CSMD1: variants seen among roughly 807,000 people sequenced by gnomAD.
CSMD1 encodes the protein CUB and sushi domain-containing protein 1.
In CSMD1, 213 loss-of-function variants were observed where a neutral mutation model predicts 417.5. The observed-to-expected ratio is 0.51, with a 90% confidence interval of 0.46 to 0.57. The LOEUF (loss-of-function observed/expected upper bound fraction) is 0.57. Ranked by LOEUF, CSMD1 falls within the 20% of genes least tolerant of loss-of-function variation. The probability of loss-of-function intolerance (pLI) is 0.00; values close to 1 mark genes in which losing one functional copy is unlikely to be tolerated. For missense variants in CSMD1, 6,923 were observed against 4,529.7 expected (o/e 1.53, Z -15.17); for synonymous variants, 2,862 against 1,736.8 (o/e 1.65, Z -16.11).
intron 5 of CSMD1, among the ~76,000 whole-genome samples, chr8:3,849,511 T>G (rs755446391): frequency 1.3e-5 from 2 of 152,142 alleles, no homozygotes; most frequent in South Asian, 2.1e-4. Flanking sequence ...AGTAAATGAG[T>G]AGCTCGACGG....
At chr8:4,153,747 T>C (rs1026634011) in intron 3 of CSMD1, among the ~76,000 whole-genome samples, 3 of 152,232 alleles carry the variant, frequency 2.0e-5, no homozygotes, top group Admixed American at 6.5e-5. Context: ...GGTTTCAGTG[T>C]GGTGACCCTG....
At chr8:4,064,342 C>G (rs922135339) in intron 3 of CSMD1, among the ~76,000 whole-genome samples, 1 of 152,204 alleles carries the variant, frequency 6.6e-6, no homozygotes, top group African/African-American at 2.4e-5. Context: ...CACCTGCTCT[C>G]TTTCACAAAT....
intron 1 of CSMD1, among the ~76,000 whole-genome samples, chr8:4,748,754 T>G (rs1811115350): frequency 6.6e-6 from 1 of 152,240 alleles, no homozygotes; most frequent in Non-Finnish European, 1.5e-5. Context: ...TTTTACAGAC[T>G]TAATTACTGG....
At chr8:3,471,931 G>C (rs913745002) in intron 11 of CSMD1, among the ~76,000 whole-genome samples, 3 of 152,114 alleles carry the variant, frequency 2.0e-5, no homozygotes, top group Non-Finnish European at 4.4e-5. Flanking sequence ...TGCAAAACGA[G>C]TCGAGGAGAG....
chr8:3,002,849 T>G (rs1478932618), intron 52 of CSMD1, among the ~76,000 whole-genome samples: 1 of 152,206 alleles, frequency 6.6e-6, no homozygotes, highest in African/African-American at 2.4e-5. Flanking sequence ...TGACACATGG[T>G]CATTTCGGTT....
At position 4,637,517 on chromosome 8, in the gene CSMD1, T is replaced by G; in HGVS notation, c.127A>C (p.Ile43Leu). 6.2e-7 allele frequency: 1 copy of G among 1,613,868 alleles called. No individual in the cohort carries two copies. Among genetic ancestry groups the G allele is most frequent in the Admixed American group, 1.7e-5 (1 of 60,010 alleles). Residue 43 changes from isoleucine to leucine, a missense_variant, in exon 2 of 70, where the codon ATT (isoleucine) becomes CTT (leucine). Transcript: ENST00000635120. Reference protein sequence around the residue: ...GGLVQGPNGTIESPGFPHGYP... With the variant: ...GGLVQGPNGTLESPGFPHGYP... ...CCGTGAGGAAACCCTGGGCTCTCAATAGTGCCATTGGGACCCTGGACTAAG... is the reference window on the plus strand; with the variant it reads ...CCGTGAGGAAACCCTGGGCTCTCAAGAGTGCCATTGGGACCCTGGACTAAG...
At chr8:4,102,189 C>T (rs1801339856) in intron 3 of CSMD1, among the ~76,000 whole-genome samples, 1 of 152,114 alleles carries the variant, frequency 6.6e-6, no homozygotes, top group Non-Finnish European at 1.5e-5. Context: ...GTGTTAAATG[C>T]TTTATTGTCT....
intron 3 of CSMD1, among the ~76,000 whole-genome samples, chr8:4,380,703 G>T (rs922781502): frequency 6.6e-6 from 1 of 152,158 alleles, no homozygotes; most frequent in South Asian, 2.1e-4. Context: ...TAATAACAGA[G>T]GATTGTGGAT....
chr8:4,036,107 G>A (rs945829289), intron 3 of CSMD1, among the ~76,000 whole-genome samples: 3 of 152,160 alleles, frequency 2.0e-5, no homozygotes, highest in Non-Finnish European at 2.9e-5. Context: ...TGCACTCTAG[G>A]AGTACTAGGC....
At chr8:3,436,992 A>C (rs561253366) in intron 12 of CSMD1, among the ~76,000 whole-genome samples, 2 of 152,350 alleles carry the variant, frequency 1.3e-5, no homozygotes, top group East Asian at 1.9e-4. Flanking sequence ...ACAGGGACTT[A>C]AACAAGACAG....
chr8:3,148,151 A>C (rs1428186374), intron 40 of CSMD1, among the ~76,000 whole-genome samples: 1 of 152,206 alleles, frequency 6.6e-6, no homozygotes, highest in Non-Finnish European at 1.5e-5. Context: ...AATAGGAAGC[A>C]ACATGAGAGA....
intron 7 of CSMD1, among the ~76,000 whole-genome samples, chr8:3,628,883 T>G (rs1052445384): frequency 2.1e-5 from 3 of 145,478 alleles, no homozygotes; most frequent in African/African-American, 7.6e-5. Flanking sequence ...TTTAAAAAGA[T>G]TATTCAAAAC....
At chr8:4,558,542 G>A (rs763886905) in intron 2 of CSMD1, among the ~76,000 whole-genome samples, 1 of 152,128 alleles carries the variant, frequency 6.6e-6, no homozygotes, top group Non-Finnish European at 1.5e-5. Flanking sequence ...CCGAAAGCAA[G>A]TACCTTGCTC....
chr8:3,943,581 G>C (rs1475734640), intron 5 of CSMD1, among the ~76,000 whole-genome samples: 1 of 152,018 alleles, frequency 6.6e-6, no homozygotes. Context: ...AAGAAAAATA[G>C]TGACTTTTCA....
At chr8:3,464,493 G>A (rs1401812914) in intron 12 of CSMD1, among the ~76,000 whole-genome samples, 2 of 151,492 alleles carry the variant, frequency 1.3e-5, no homozygotes, top group Non-Finnish European at 2.9e-5. Flanking sequence ...GAGAAACTAT[G>A]CCCCGGACTC....
At chr8:3,654,726 G>A (rs1014650924) in intron 7 of CSMD1, among the ~76,000 whole-genome samples, 2 of 152,206 alleles carry the variant, frequency 1.3e-5, no homozygotes, top group Non-Finnish European at 2.9e-5. Flanking sequence ...GGGCATCTCT[G>A]CAGGTGATGA....
chr8:3,340,071 G>T (rs985679971), intron 23 of CSMD1, among the ~76,000 whole-genome samples: 3 of 152,146 alleles, frequency 2.0e-5, no homozygotes, highest in African/African-American at 7.2e-5. Context: ...TCCTCTGCAT[G>T]TATCAATATC....
chr8:4,794,715 T>A (rs1797879318), intron 1 of CSMD1, among the ~76,000 whole-genome samples: 1 of 152,168 alleles, frequency 6.6e-6, no homozygotes, highest in Non-Finnish European at 1.5e-5. Flanking sequence ...TGGCAGAGTA[T>A]TTTCTCAGGA....
intron 3 of CSMD1, among the ~76,000 whole-genome samples, chr8:4,035,697 T>C (rs920669108): frequency 6.6e-6 from 1 of 152,248 alleles, no homozygotes. Flanking sequence ...GCAAGGTTTA[T>C]GTTTTCAGTT....
Sources: gnomAD v4.1 joint callset for allele counts (sites outside exome capture counted in the v4.1 genomes callset) on GRCh38, gnomAD v4.1.1 for gene constraint, MANE v1.5 for transcripts, NCBI Gene and HGNC (gene_info 2026-07-23, HGNC 2026-07-21) for gene names.